The following NCAPD3 variants were observed in gnomAD, a reference collection of about 807,000 sequenced individuals.
NCAPD3 encodes non-SMC condensin II complex subunit D3.
Under a neutral mutation model 182.9 loss-of-function variants are expected in NCAPD3, and 105 were observed. The observed-to-expected ratio is 0.57, with a 90% CI of 0.49 to 0.68. NCAPD3 has a LOEUF of 0.68. Ranked by LOEUF, NCAPD3 falls within the 30% of genes least tolerant of loss-of-function variation. The pLI is 0.00. For synonymous variants in NCAPD3, 815 were observed against 679.9 expected, an observed-to-expected ratio of 1.20 and a Z score of -3.09; for missense variants, 1,944 against 1,837.0, an observed-to-expected ratio of 1.06 and a Z score of -1.07.
intron 1 of NCAPD3, 98 bp downstream of exon 1, chr11:134,223,765 C>T (rs1938337670): frequency 1.8e-5 from 25 of 1,421,576 alleles, no homozygotes; most frequent in Non-Finnish European, 2.4e-5. Flanking sequence ...GGCGCCCCCA[C>T]CCCGCCCCCA....
chr11:134,194,825 A>C (rs1403462732), intron 13 of NCAPD3, 87 bp from the exon 14 acceptor site: 1 of 833,958 alleles, frequency 1.2e-6, no homozygotes, highest in Non-Finnish European at 1.9e-6. Flanking sequence ...CAGAAAATAC[A>C]CTCATCTTAA....
chr11:134,153,359 G>A lies in NCAPD3; in HGVS notation c.4257C>T (p.Ser1419=), dbSNP rs770405381. The change falls in exon 33 of 35, where the codon AGC becomes AGT. Residue 1419 remains serine (S), a synonymous_variant. Transcript: ENST00000534548. ...TKRAISTPEK[S]ISDVTFGAGV... is the part of the protein sequence containing the mutation. ...CTGCTCCAAACGTGACATCACTGAT[G>A]CTCTCTGCATAAAGAGGAGACACCA... The A allele has an allele frequency of 2.2e-5, 35 of 1,613,982 alleles. No homozygotes were observed. Among genetic ancestry groups the A allele is most frequent in the South Asian group, 1.4e-4 (13 of 91,088 alleles).
chr11:134,215,907 C>T (rs1938005017), intron 3 of NCAPD3, among the ~76,000 whole-genome samples: 1 of 152,164 alleles, frequency 6.6e-6, no homozygotes, highest in African/African-American at 2.4e-5. Flanking sequence ...CAATCATAAA[C>T]CCGAAACATT....
At chr11:134,225,404 G>A (rs764038355), upstream of NCAPD3, 16 of 1,549,334 alleles carry the variant, frequency 1.0e-5, no homozygotes, top group African/African-American at 2.7e-5. Context: ...GGAGCAGGGT[G>A]ATTCAGGGCC....
intron 13 of NCAPD3, among the ~76,000 whole-genome samples, chr11:134,196,209 T>C (rs1470053689): frequency 6.6e-6 from 1 of 152,172 alleles, no homozygotes; most frequent in Non-Finnish European, 1.5e-5. Flanking sequence ...AGGAATACTA[T>C]GAACAATTTT....
At chr11:134,220,462 G>T in intron 2 of NCAPD3, 110 bp downstream of exon 2, 1 of 952,360 alleles carries the variant, frequency 1.1e-6, no homozygotes, top group Non-Finnish European at 1.6e-6. Flanking sequence ...TACTCATATT[G>T]TACTCCCTGT....
In NCAPD3 at chr11:134,168,322, G is replaced by C. The variant is rs1256925375; in HGVS notation, c.3374-127C>G. 5 of 1,470,238 alleles carry C rather than the reference G, an allele frequency of 3.4e-6. No homozygotes were observed. The East Asian group carries it at 9.1e-5, about 27-fold the overall frequency. 91.1% of individuals were successfully genotyped at this position (1,470,238 alleles called of 1,614,324 possible). On this transcript the variant is annotated intron_variant, in intron 26 of 34. Coordinates refer to ENST00000534548, the MANE Select transcript of NCAPD3 (RefSeq NM_015261.3). ...GGGGTCTGCAAGGGTGTTTTGTCTG[G>C]GGCACAGCTGATGCCAGAGAAGGAC...
At chr11:134,180,116 C>T (rs116891808) in intron 20 of NCAPD3, among the ~76,000 whole-genome samples, 313 of 152,186 alleles carry the variant, frequency 2.1e-3, no homozygotes, top group Non-Finnish European at 3.1e-3. Context: ...GCAAGACCCT[C>T]TAGAAGCCCT....
chr11:134,165,808 CACTT>C (rs563533952), intron 27 of NCAPD3, among the ~76,000 whole-genome samples: 18 of 143,390 alleles, frequency 1.3e-4, no homozygotes, highest in South Asian at 4.7e-4. Context: ...GATGCACACT[CACTT>C]GTGAGATGAG....
intron 32 of NCAPD3, 103 bp downstream of exon 32, chr11:134,156,912 TCAG>T: frequency 1.0e-6 from 1 of 1,002,050 alleles, no homozygotes; most frequent in Non-Finnish European, 1.5e-6. Context: ...GTTCTGACCA[TCAG>T]AACTATCCTG....
At chr11:134,183,779 G>A (rs928582037) in intron 19 of NCAPD3, among the ~76,000 whole-genome samples, 1 of 152,136 alleles carries the variant, frequency 6.6e-6, no homozygotes, top group Non-Finnish European at 1.5e-5. Context: ...TCTGTTAGAA[G>A]TAGAAAATGT....
intron 24 of NCAPD3, among the ~76,000 whole-genome samples, chr11:134,175,405 C>G (rs556405368): frequency 6.6e-6 from 1 of 152,300 alleles, no homozygotes; most frequent in South Asian, 2.1e-4. Context: ...CTTTTTGCCT[C>G]TGGTTCTAGA....
At chr11:134,220,301 G>C (rs549592195) in intron 2 of NCAPD3, among the ~76,000 whole-genome samples, 2 of 150,662 alleles carry the variant, frequency 1.3e-5, no homozygotes, top group Admixed American at 6.6e-5. Context: ...GATTACAGAC[G>C]TAAGACACCA....
At chr11:134,194,226 C>A in intron 14 of NCAPD3, 76 bp from the exon 15 acceptor site, 2 of 1,422,814 alleles carry the variant, frequency 1.4e-6, no homozygotes, top group South Asian at 2.7e-5. Flanking sequence ...AACAAAGGAA[C>A]ACTTCCTTTA....
At chr11:134,199,931 A>C (rs1187475018) in intron 13 of NCAPD3, among the ~76,000 whole-genome samples, 1 of 152,206 alleles carries the variant, frequency 6.6e-6, no homozygotes, top group Non-Finnish European at 1.5e-5. Flanking sequence ...GCACACAAAT[A>C]AGCTCATGAG....
At chr11:134,183,726 C>CTT (rs1944343717) in intron 19 of NCAPD3, among the ~76,000 whole-genome samples, 1 of 152,136 alleles carries the variant, frequency 6.6e-6, no homozygotes, top group Admixed American at 6.6e-5. Flanking sequence ...GGTCAACAGT[C>CTT]TTAAGTCCCA....
chr11:134,171,516 C>T (rs1044194564), intron 24 of NCAPD3, among the ~76,000 whole-genome samples: 10 of 152,152 alleles, frequency 6.6e-5, no homozygotes, highest in Non-Finnish European at 1.5e-4. Flanking sequence ...TCATGCTGAA[C>T]TCATGTTCCT....
intron 22 of NCAPD3, chr11:134,177,884 T>TTTCTTTCTTTCG (rs1470436660): frequency 6.5e-6 from 1 of 153,204 alleles, no homozygotes; most frequent in African/African-American, 2.4e-5. Flanking sequence ...GCATGTCCCC[T>TTTCTTTCTTTCG]TTCTTTCTTT....
intron 28 of NCAPD3, among the ~76,000 whole-genome samples, chr11:134,161,033 T>G (rs920886893): frequency 1.3e-5 from 2 of 152,126 alleles, no homozygotes; most frequent in Admixed American, 6.5e-5. Flanking sequence ...ACAATGAGAC[T>G]ATCTTTCCTA....
Sources: allele counts gnomAD v4.1 joint callset (sites outside exome capture counted in the v4.1 genomes callset), GRCh38; gene constraint gnomAD v4.1.1; transcripts MANE v1.5; gene names NCBI Gene and HGNC (gene_info 2026-07-23, HGNC 2026-07-21).